The following ATP7A variants were observed in gnomAD, a reference collection of about 807,000 sequenced individuals.
The protein encoded by ATP7A is ATPase copper transporting alpha, also known as copper-transporting ATPase 1.
Under a neutral mutation model 83.5 loss-of-function variants are expected in ATP7A, and 7 were observed. That is an observed-to-expected ratio of 0.08 (90% CI 0.05 to 0.16). The LOEUF (loss-of-function observed/expected upper bound fraction) is 0.16. ATP7A is among the 10% of genes least tolerant of loss of function. The probability of loss-of-function intolerance (pLI) is 1.00; values close to 1 mark genes in which losing one functional copy is unlikely to be tolerated. For synonymous variants in ATP7A, 354 were observed against 395.2 expected, an observed-to-expected ratio of 0.90 and a Z score of 1.24; for missense variants, 940 against 1,120.8, an observed-to-expected ratio of 0.84 and a Z score of 2.30.
intron 12 of ATP7A, among the ~76,000 whole-genome samples, chrX:78,019,393 G>A (rs962921689): frequency 8.9e-5 from 10 of 112,248 alleles, no homozygotes; most frequent in Non-Finnish European, 1.7e-4. Flanking sequence ...GATAGTCCTA[G>A]AAGAAGCTCA....
intron 1 of ATP7A, among the ~76,000 whole-genome samples, chrX:77,939,565 G>A (rs1410346675): frequency 5.4e-5 from 6 of 110,759 alleles, no homozygotes; most frequent in Admixed American, 3.9e-4. Flanking sequence ...TCCCCTCTCA[G>A]AGGAACTGTA....
chrX:78,027,911 C>T (rs182996764), intron 14 of ATP7A, among the ~76,000 whole-genome samples: 4 of 111,347 alleles, frequency 3.6e-5, no homozygotes, highest in African/African-American at 1.3e-4. Flanking sequence ...CAGCCCACTA[C>T]TGTAATATTA....
intron 7 of ATP7A, among the ~76,000 whole-genome samples, chrX:78,009,838 A>G (rs1314962008): frequency 5.3e-5 from 6 of 112,161 alleles, no homozygotes; most frequent in African/African-American, 1.9e-4. Flanking sequence ...CCACGCACCC[A>G]TAGTATTAAT....
At chrX:78,034,089 A>G (rs1274305385) in intron 17 of ATP7A, among the ~76,000 whole-genome samples, 19 of 112,168 alleles carry the variant, frequency 1.7e-4, no homozygotes, top group African/African-American at 6.1e-4. Flanking sequence ...AACCTTTTCT[A>G]TCTTTCACAA....
At chrX:77,976,077 T>C (rs1273469545) in intron 2 of ATP7A, 1 of 111,916 alleles carries the variant, frequency 8.9e-6, no homozygotes, top group Non-Finnish European at 1.9e-5. Flanking sequence ...TATGACTAGT[T>C]GAGATCCACA....
chrX:78,001,907 CT>C (rs1603383577), intron 5 of ATP7A, among the ~76,000 whole-genome samples: 3 of 111,063 alleles, frequency 2.7e-5, no homozygotes, highest in Non-Finnish European at 1.9e-5. Context: ...TTGCGTGGGA[CT>C]TTTTTTCTAG....
chrX:78,035,047 T>A (rs2078005111), intron 17 of ATP7A, among the ~76,000 whole-genome samples: 1 of 111,595 alleles, frequency 9.0e-6, no homozygotes, highest in Admixed American at 9.5e-5. Flanking sequence ...CCCCTGGCTG[T>A]TCCTTTTAAT....
At chrX:77,974,807 G>C in intron 2 of ATP7A, 1 of 296,940 alleles carries the variant, frequency 3.4e-6, no homozygotes, top group East Asian at 4.8e-5. Flanking sequence ...TGCATTCCCA[G>C]GGTAAGCCTC....
chrX:77,913,013 G>T (rs1339033347), intron 1 of ATP7A, among the ~76,000 whole-genome samples: 1 of 111,696 alleles, frequency 9.0e-6, no homozygotes, highest in Non-Finnish European at 1.9e-5. Flanking sequence ...TACAAAACAA[G>T]AGAGAGAGAG....
chrX:78,036,903 T>C (rs2078017586), intron 17 of ATP7A, among the ~76,000 whole-genome samples: 1 of 111,334 alleles, frequency 9.0e-6, no homozygotes, highest in Non-Finnish European at 1.9e-5. Flanking sequence ...GCAGAGGTTG[T>C]AAGAAATGAT....
chrX:77,951,278 C>T (rs1329152894), intron 1 of ATP7A, among the ~76,000 whole-genome samples: 3 of 111,348 alleles, frequency 2.7e-5, no homozygotes, highest in African/African-American at 9.8e-5. Context: ...AAATGCTTTC[C>T]CCACCCAATG....
chrX:78,030,809 A>G (rs2077978791), intron 15 of ATP7A, among the ~76,000 whole-genome samples: 1 of 104,707 alleles, frequency 9.6e-6, no homozygotes, highest in Admixed American at 1.0e-4. Flanking sequence ...CTCCTGCCTC[A>G]GCCTCCCGAG....
chrX:77,940,350 A>G (rs1412659845), intron 1 of ATP7A, among the ~76,000 whole-genome samples: 4 of 111,459 alleles, frequency 3.6e-5, no homozygotes, highest in Non-Finnish European at 7.5e-5. Context: ...AAAATTTAGT[A>G]TACTGTATAT....
chrX:78,014,392 G>A (rs2077847331), intron 10 of ATP7A, among the ~76,000 whole-genome samples: 2 of 110,490 alleles, frequency 1.8e-5, no homozygotes, highest in Non-Finnish European at 3.8e-5. Flanking sequence ...GTAACAGAGT[G>A]AGACTCTGTC....
At chrX:78,039,129 T>C (rs2078032062) in intron 18 of ATP7A, 147 bp downstream of exon 18, 1 of 643,656 alleles carries the variant, frequency 1.6e-6, no homozygotes, top group Non-Finnish European at 2.3e-6. Context: ...TGATTATTAC[T>C]GATTAATTTA....
intron 4 of ATP7A, among the ~76,000 whole-genome samples, chrX:77,992,928 T>A (rs974816813): frequency 1.8e-5 from 2 of 112,797 alleles, no homozygotes; most frequent in East Asian, 2.8e-4. Flanking sequence ...TACATTTTTT[T>A]AAATTTTTGA....
intron 5 of ATP7A, among the ~76,000 whole-genome samples, chrX:77,999,769 TG>T (rs2077727123): frequency 1.8e-5 from 2 of 110,743 alleles, no homozygotes; most frequent in Non-Finnish European, 3.8e-5. Context: ...CTGGGTGTAG[TG>T]GCGCATGCCT....
intron 1 of ATP7A, among the ~76,000 whole-genome samples, chrX:77,920,014 T>C (rs2077204400): frequency 9.0e-6 from 1 of 111,364 alleles, no homozygotes; most frequent in South Asian, 3.7e-4. Context: ...TGAAAAATAA[T>C]TTCAACATTT....
chrX:78,005,771 C>T (rs1603384245), intron 6 of ATP7A, among the ~76,000 whole-genome samples: 1 of 97,208 alleles, frequency 1.0e-5, no homozygotes, highest in South Asian at 4.5e-4. Context: ...TGATACAAAA[C>T]CAATAAAAGA....
Sources: gnomAD v4.1 joint callset for allele counts (sites outside exome capture counted in the v4.1 genomes callset) on GRCh38, gnomAD v4.1.1 for gene constraint, MANE v1.5 for transcripts, NCBI Gene and HGNC (gene_info 2026-07-23, HGNC 2026-07-21) for gene names.